The following ZNF407 variants were observed in gnomAD, a reference collection of about 807,000 sequenced individuals.
ZNF407 encodes the protein zinc finger protein 407.
Under a neutral mutation model 131.2 loss-of-function variants are expected in ZNF407, and 17 were observed. The ratio of observed to expected loss-of-function variants is 0.13; its 90% confidence interval spans 0.09 to 0.19. The LOEUF is 0.19. ZNF407 is among the 10% of genes least tolerant of loss of function. The pLI, the probability that ZNF407 is intolerant of heterozygous loss-of-function variation, is 1.00. For synonymous variants in ZNF407, 1,156 were observed against 1,062.0 expected (o/e 1.09, Z -1.72); for missense variants, 2,681 against 2,830.6 (o/e 0.95, Z 1.20).
intron 4 of ZNF407, among the ~76,000 whole-genome samples, chr18:74,868,634 T>A (rs540043849): frequency 2.6e-5 from 4 of 152,340 alleles, no homozygotes; most frequent in Admixed American, 1.3e-4. Flanking sequence ...GGCTCACTGC[T>A]CTTGCATACC....
At chr18:75,020,697 G>A (rs2122201861) in intron 8 of ZNF407, among the ~76,000 whole-genome samples, 1 of 152,174 alleles carries the variant, frequency 6.6e-6, no homozygotes, top group Non-Finnish European at 1.5e-5. Flanking sequence ...TTGTAACAAA[G>A]ATAAATAATA....
chr18:74,894,511 T>A (rs545340751), intron 7 of ZNF407, among the ~76,000 whole-genome samples: 27 of 152,072 alleles, frequency 1.8e-4, no homozygotes, highest in African/African-American at 6.0e-4. Context: ...AAACATAGGG[T>A]TTTTTAATAT....
At chr18:74,779,673 T>C (rs1969558982) in intron 3 of ZNF407, among the ~76,000 whole-genome samples, 1 of 152,134 alleles carries the variant, frequency 6.6e-6, no homozygotes, top group Non-Finnish European at 1.5e-5. Flanking sequence ...AAAAGCTTTT[T>C]CTCCCTATTT....
intron 7 of ZNF407, among the ~76,000 whole-genome samples, chr18:74,901,252 G>A (rs10514147): frequency 0.098 from 14,850 of 152,094 alleles, 913 homozygotes; most frequent in Middle Eastern, 0.23. Context: ...TTGCTGCTTC[G>A]TTTCATTATG....
chr18:74,651,006 G>A (rs966150975), intron 3 of ZNF407, among the ~76,000 whole-genome samples: 5 of 151,850 alleles, frequency 3.3e-5, no homozygotes, highest in African/African-American at 4.8e-5. Context: ...GTAGCTCAAG[G>A]GTAAAGATAG....
At chr18:74,852,675 G>T (rs1197521969) in intron 4 of ZNF407, among the ~76,000 whole-genome samples, 1 of 152,076 alleles carries the variant, frequency 6.6e-6, no homozygotes, top group Non-Finnish European at 1.5e-5. Flanking sequence ...TTCAACAGAA[G>T]GGGGCAAAAG....
chr18:74,640,866 A>G (rs1410783443), intron 2 of ZNF407, 142 bp from the exon 3 acceptor site: 4 of 630,498 alleles, frequency 6.3e-6, no homozygotes, highest in Non-Finnish European at 1.1e-5. Flanking sequence ...TATTCAAGTT[A>G]TAAATGAATG....
intron 8 of ZNF407, among the ~76,000 whole-genome samples, chr18:75,029,727 A>G (rs550470487): frequency 6.6e-6 from 1 of 152,308 alleles, no homozygotes; most frequent in East Asian, 1.9e-4. Flanking sequence ...GTGACTTATC[A>G]CTGGTTTCTG....
At chr18:74,894,762 T>G (rs957543479) in intron 7 of ZNF407, among the ~76,000 whole-genome samples, 14 of 152,284 alleles carry the variant, frequency 9.2e-5, no homozygotes, top group African/African-American at 3.1e-4. Flanking sequence ...TACATTGCAC[T>G]TTAAATGTTA....
At chr18:74,802,738 C>T (rs1041938676) in intron 4 of ZNF407, among the ~76,000 whole-genome samples, 1 of 152,096 alleles carries the variant, frequency 6.6e-6, no homozygotes, top group Non-Finnish European at 1.5e-5. Context: ...ATTTAAATTG[C>T]ATATTTTTAT....
At chr18:74,613,041 G>C (rs977169129) in intron 1 of ZNF407, among the ~76,000 whole-genome samples, 1 of 152,122 alleles carries the variant, frequency 6.6e-6, no homozygotes, top group African/African-American at 2.4e-5. Context: ...GCCCTTAAAA[G>C]TATAAGAAGT....
chr18:74,603,056 G>A (rs1982651449), intron 1 of ZNF407, among the ~76,000 whole-genome samples: 1 of 152,148 alleles, frequency 6.6e-6, no homozygotes, highest in Non-Finnish European at 1.5e-5. Context: ...TGGAAGCAGG[G>A]GCCAAACTGC....
intron 4 of ZNF407, among the ~76,000 whole-genome samples, chr18:74,857,052 T>G (rs1970869040): frequency 6.6e-6 from 1 of 152,216 alleles, no homozygotes; most frequent in African/African-American, 2.4e-5. Context: ...TTTTAAATGA[T>G]TTAAGAACGG....
At chr18:74,700,954 C>T (rs1486716921) in intron 3 of ZNF407, among the ~76,000 whole-genome samples, 1 of 152,008 alleles carries the variant, frequency 6.6e-6, no homozygotes, top group Non-Finnish European at 1.5e-5. Context: ...TCTTAATTAC[C>T]AAACGTGACA....
chr18:74,967,784 G>A (rs1439911823), intron 8 of ZNF407, among the ~76,000 whole-genome samples: 1 of 152,234 alleles, frequency 6.6e-6, no homozygotes, highest in Non-Finnish European at 1.5e-5. Flanking sequence ...AAGTTATGAA[G>A]TGATTTGCGT....
chr18:74,915,400 CAG>C (rs1471920685), intron 7 of ZNF407, among the ~76,000 whole-genome samples: 2 of 42,612 alleles, frequency 4.7e-5, no homozygotes, highest in African/African-American at 1.3e-4. Context: ...TGGTTCGAAT[CAG>C]GAGTGTGTGT....
At chr18:74,705,071 G>A (rs1967593015) in intron 3 of ZNF407, among the ~76,000 whole-genome samples, 1 of 148,708 alleles carries the variant, frequency 6.7e-6, no homozygotes, top group African/African-American at 2.5e-5. Flanking sequence ...CTCAAGTTAT[G>A]CCTTGCTGAG....
chr18:74,797,019 A>G (rs965785331), intron 4 of ZNF407, among the ~76,000 whole-genome samples: 2 of 152,198 alleles, frequency 1.3e-5, no homozygotes, highest in African/African-American at 4.8e-5. Flanking sequence ...AAGGAATGGA[A>G]TGGTAACTGG....
At chr18:74,642,013 T>C (rs574918319) in intron 3 of ZNF407, among the ~76,000 whole-genome samples, 1 of 41,374 alleles carries the variant, frequency 2.4e-5, no homozygotes, top group African/African-American at 9.5e-5. Context: ...CTTGCACATA[T>C]TATATTAGGT....
Sources: allele counts gnomAD v4.1 joint callset (sites outside exome capture counted in the v4.1 genomes callset), GRCh38; gene constraint gnomAD v4.1.1; transcripts MANE v1.5; gene names NCBI Gene and HGNC (gene_info 2026-07-23, HGNC 2026-07-21).